PRKD1: variants seen among roughly 807,000 people sequenced by gnomAD.
PRKD1 encodes protein kinase D1.
Under a neutral mutation model 95.9 loss-of-function variants are expected in PRKD1, and 63 were observed. The ratio of observed to expected loss-of-function variants is 0.66; its 90% CI spans 0.54 to 0.81. The LOEUF (loss-of-function observed/expected upper bound fraction) is 0.81. PRKD1 is among the 30% of genes least tolerant of loss of function. The pLI, the probability that PRKD1 is intolerant of heterozygous loss-of-function variation, is 0.00. For synonymous variants in PRKD1, 425 were observed against 423.1 expected, an observed-to-expected ratio of 1.00 and a Z score of -0.05; for missense variants, 1,048 against 1,165.3, an observed-to-expected ratio of 0.90 and a Z score of 1.47.
chr14:29,859,665 C>A (rs1487123296), intron 1 of PRKD1, among the ~76,000 whole-genome samples: 1 of 151,478 alleles, frequency 6.6e-6, no homozygotes, highest in Non-Finnish European at 1.5e-5. Context: ...AACAAGCTTC[C>A]TCATGTAGAT....
chr14:29,753,182 A>T (rs72660410), intron 1 of PRKD1, among the ~76,000 whole-genome samples: 6,275 of 152,236 alleles, frequency 0.041, 230 homozygotes, highest in African/African-American at 0.093. Context: ...AGACAAAGAG[A>T]AAGAAACAAT....
At chr14:29,715,247 A>T (rs972009441) in intron 2 of PRKD1, among the ~76,000 whole-genome samples, 1 of 152,084 alleles carries the variant, frequency 6.6e-6, no homozygotes, top group East Asian at 1.9e-4. Context: ...GTGTGTAAAC[A>T]GTGTGATCCA....
At chr14:29,926,865 C>A (rs45514797) in intron 1 of PRKD1, among the ~76,000 whole-genome samples, 38 of 151,916 alleles carry the variant, frequency 2.5e-4, no homozygotes, top group African/African-American at 9.2e-4. Flanking sequence ...AGGATTCCTG[C>A]ACCAGGAATG....
chr14:29,629,122 A>T (rs368065024), intron 10 of PRKD1, 29 bp from the exon 11 acceptor site: 64 of 1,579,550 alleles, frequency 4.1e-5, no homozygotes, highest in Admixed American at 1.1e-4. Context: ...CAATATGCAC[A>T]CAAAAAGTCA....
rs950396963 is a variant in PRKD1 at position 29,898,045 on chromosome 14, T to C, written c.264+29204A>G. Among the ~76,000 whole-genome samples, 8 of 152,122 alleles carry C rather than the reference T, an allele frequency of 5.3e-5. No homozygotes were observed. In the South Asian group the frequency reaches 1.7e-3, roughly 32 times the overall value. On this transcript the variant is annotated intron_variant, in intron 1 of 17. Coordinates refer to ENST00000331968, the MANE Select transcript of PRKD1 (RefSeq NM_002742.3). ...AACGCATCCTAAAAATTACAAATTG[T>C]TTAATTTCACAAATTTAGAAATTTT...
At chr14:29,621,084 G>A (rs867637363) in intron 13 of PRKD1, among the ~76,000 whole-genome samples, 30 of 110,840 alleles carry the variant, frequency 2.7e-4, no homozygotes, top group Admixed American at 4.6e-4. Context: ...GTAAACTATC[G>A]CAAGGACAAA....
chr14:29,649,206 G>T (rs1034688078), intron 4 of PRKD1, among the ~76,000 whole-genome samples: 3 of 152,056 alleles, frequency 2.0e-5, no homozygotes, highest in African/African-American at 7.2e-5. Flanking sequence ...TTGCAGTTTT[G>T]ATTGTTTTTT....
At chr14:29,602,585 A>T (rs1222044702) in intron 13 of PRKD1, among the ~76,000 whole-genome samples, 1 of 151,896 alleles carries the variant, frequency 6.6e-6, no homozygotes, top group Non-Finnish European at 1.5e-5. Context: ...ATGCACCACC[A>T]TGCCTGGCTA....
chr14:29,598,063 G>T (rs1339364621), intron 15 of PRKD1, among the ~76,000 whole-genome samples: 2 of 151,470 alleles, frequency 1.3e-5, no homozygotes, highest in Non-Finnish European at 2.9e-5. Context: ...ATTGCTTGAG[G>T]ACAGGAGTTC....
intron 1 of PRKD1, among the ~76,000 whole-genome samples, chr14:29,747,377 A>G (rs1286352914): frequency 6.6e-6 from 1 of 152,166 alleles, no homozygotes; most frequent in Non-Finnish European, 1.5e-5. Context: ...AACCATTATG[A>G]AAAATAATTT....
chr14:29,666,014 T>C, intron 3 of PRKD1, 63 bp downstream of exon 3: 1 of 1,471,626 alleles, frequency 6.8e-7, no homozygotes, highest in Admixed American at 2.0e-5. Context: ...AATTGTGAAT[T>C]CTGCTGCGAT....
chr14:29,773,164 TA>T (rs1371375363), intron 1 of PRKD1, among the ~76,000 whole-genome samples: 1 of 152,164 alleles, frequency 6.6e-6, no homozygotes, highest in Non-Finnish European at 1.5e-5. Flanking sequence ...AACTAGTTTT[TA>T]AAAGAGTGAA....
intron 15 of PRKD1, among the ~76,000 whole-genome samples, chr14:29,598,479 G>A (rs1893395982): frequency 6.6e-6 from 1 of 152,010 alleles, no homozygotes; most frequent in African/African-American, 2.4e-5. Context: ...CGCTTATTAT[G>A]AGAAGAAGAT....
At chr14:29,600,850 G>A (rs566780073) in intron 13 of PRKD1, among the ~76,000 whole-genome samples, 1 of 129,476 alleles carries the variant, frequency 7.7e-6, no homozygotes, top group Admixed American at 7.7e-5. Context: ...CGTTCTTCTG[G>A]GTCATCAACA....
rs780910021 is a variant in PRKD1, at chr14:29,638,875, A to C, written c.726T>G (p.Gly242=). 13 of 1,612,368 alleles carry C rather than the reference A, an allele frequency of 8.1e-6. No homozygotes were observed. Among genetic ancestry groups the C allele is most frequent in the African/African-American group, 1.3e-5 (1 of 74,882 alleles). Reference sequence around the variant, plus strand: ...ATTGAGAATTTGACCTCTTCTCTCGACCAATAAACGACTCTGATGGTGATT... The same window carrying C: ...ATTGAGAATTTGACCTCTTCTCTCGCCCAATAAACGACTCTGATGGTGATT... ...LQKSPSESFI[G]REKRSNSQSY... The change falls in exon 5 of 18, where the codon GGT becomes GGG. Residue 242 remains glycine, a synonymous_variant. Coordinates refer to ENST00000331968, the MANE Select transcript of PRKD1 (RefSeq NM_002742.3).
At chr14:29,897,050 T>A (rs972309313) in intron 1 of PRKD1, among the ~76,000 whole-genome samples, 1 of 152,008 alleles carries the variant, frequency 6.6e-6, no homozygotes, top group African/African-American at 2.4e-5. Context: ...ACTAGCCAGA[T>A]AAAACCACTT....
chr14:29,634,532 TG>T lies in PRKD1; in HGVS notation c.1199del (p.Thr400LysfsTer8). ...EDANRTISPS[T>X]SNNIPLMRVV... is the part of the protein sequence containing the mutation. ...CCCTCATGAGTGGGATATTGTTGCT[TG>T]TTGATGGACTTGAGAAGTCAAAATA... On this transcript the variant is annotated frameshift_variant, in exon 8 of 18. Transcript: ENST00000331968. LOFTEE classifies it high-confidence loss of function. The T allele has an allele frequency of 6.2e-7, 1 of 1,614,018 alleles. No homozygotes were observed. The highest frequency in any genetic ancestry group is 2.2e-5 in the East Asian group (1 of 44,874).
At chr14:29,605,017 A>G (rs564854238) in intron 13 of PRKD1, among the ~76,000 whole-genome samples, 13 of 152,218 alleles carry the variant, frequency 8.5e-5, no homozygotes, top group African/African-American at 2.4e-4. Flanking sequence ...CTTCTCTTTC[A>G]CTTCCAACAA....
intron 1 of PRKD1, among the ~76,000 whole-genome samples, chr14:29,819,729 A>G (rs1013596071): frequency 6.6e-6 from 1 of 152,076 alleles, no homozygotes; most frequent in Non-Finnish European, 1.5e-5. Flanking sequence ...AATAAAATAA[A>G]ATAAAATAAA....
Sources: allele counts gnomAD v4.1 joint callset (sites outside exome capture counted in the v4.1 genomes callset), GRCh38; gene constraint gnomAD v4.1.1; transcripts MANE v1.5; gene names NCBI Gene and HGNC (gene_info 2026-07-23, HGNC 2026-07-21).